Variants in NET1 observed in about 807,000 individuals in gnomAD.
NET1 encodes the protein neuroepithelial cell transforming 1.
In NET1, 42 loss-of-function variants were observed where a neutral mutation model predicts 61.1. The observed-to-expected ratio is 0.69, with a 90% CI of 0.54 to 0.89. The LOEUF (loss-of-function observed/expected upper bound fraction) is 0.89, where lower values mean the gene tolerates loss of function less well. Ranked by LOEUF, NET1 falls within the 40% of genes least tolerant of loss-of-function variation. The pLI is 0.00. For synonymous variants in NET1, 254 were observed against 281.8 expected (o/e 0.90, Z 0.99); for missense variants, 654 against 747.3 (o/e 0.88, Z 1.46).
chr10:5,429,201 T>G lies in NET1; in HGVS notation c.227T>G (p.Val76Gly). The G allele has an allele frequency of 1.2e-6, 2 of 1,610,636 alleles. No individual in the cohort carries two copies. The highest frequency in any genetic ancestry group is 1.7e-6 in the Non-Finnish European group (2 of 1,178,246). ...AAACGCAGAGAGAAAGATGATGATG[T>G]TGTAAGCCTTAGCAGCCTTGATCTG... is the stretch of plus-strand genomic sequence containing the variant. ...KRKRREKDDD[V>G]VSLSSLDLKE... Residue 76 changes from valine (V) to glycine (G), a missense_variant, in exon 3 of 12, where the codon GTT (valine) becomes GGT (glycine). Val to Gly is a moderately radical substitution (Grantham distance 109). Coordinates refer to ENST00000355029, the MANE Select transcript of NET1 (RefSeq NM_001047160.3).
chr10:5,438,240 T>C (rs879839462), intron 3 of NET1, among the ~76,000 whole-genome samples: 18 of 151,900 alleles, frequency 1.2e-4, no homozygotes, highest in Non-Finnish European at 2.2e-4. Flanking sequence ...TGGAAGGAAA[T>C]TCATTAAGAA....
At chr10:5,436,187 TGTGTGTGTGTGTGTG>T (rs1832429923) in intron 3 of NET1, among the ~76,000 whole-genome samples, 1 of 14,948 alleles carries the variant, frequency 6.7e-5, no homozygotes, top group African/African-American at 2.8e-4. Context: ...GTGTGTGTGT[TGTGTGTGTGTGTGTG>T]TGTGTGTGTG....
intron 1 of NET1, among the ~76,000 whole-genome samples, chr10:5,425,411 G>A (rs940687488): frequency 1.3e-5 from 2 of 152,206 alleles, no homozygotes; most frequent in Non-Finnish European, 1.5e-5. Context: ...CGACTATGAA[G>A]CTTAAGGATC....
chr10:5,425,833 A>G (rs1337053987), intron 1 of NET1, among the ~76,000 whole-genome samples: 1 of 152,254 alleles, frequency 6.6e-6, no homozygotes, highest in Non-Finnish European at 1.5e-5. Flanking sequence ...GAAAAAAATA[A>G]TGTGTTCATT....
In NET1 at chr10:5,451,511, T is replaced by TA. The variant is rs201010625; in HGVS notation, c.256-306dup. 0.24 allele frequency among the ~76,000 whole-genome samples: 35,211 copies of TA among 147,540 alleles called. 4,622 individuals carry two copies. Among genetic ancestry groups the TA allele is most frequent in the Middle Eastern group, 0.32 (93 of 294 alleles). On this transcript the variant is annotated intron_variant, in intron 3 of 11. Coordinates refer to ENST00000355029, the MANE Select transcript of NET1 (RefSeq NM_001047160.3). This position sits in a 1 kb window ranked among gnomAD's most constrained non-coding sequence, Gnocchi z 6.1. ...TTTTCATAACAATAAGGCTTTTTTTTAAAAAAAAAAAAAGTTATTCCCTGC... is the reference window on the plus strand; with the variant it reads ...TTTTCATAACAATAAGGCTTTTTTTTAAAAAAAAAAAAAAGTTATTCCCTGC...
At position 5,456,116 on chromosome 10, in the gene NET1, C is replaced by G. The variant is rs1389938583; in HGVS notation, c.1227C>G (p.Ile409Met). ...TTTACATTTTCCTGTTTCAAGACATCTTGGTTCTGACTCGGCCCGTCACAC... is the reference window on the plus strand; with the variant it reads ...TTTACATTTTCCTGTTTCAAGACATGTTGGTTCTGACTCGGCCCGTCACAC... ...HKLYIFLFQD[I>M]LVLTRPVTRN... The change falls in exon 11 of 12, where the codon ATC becomes ATG. Residue 409 changes from isoleucine to methionine, a missense_variant. Ile to Met is a conservative substitution (Grantham distance 10). Coordinates refer to ENST00000355029, the MANE Select transcript of NET1 (RefSeq NM_001047160.3). This position sits in a 1 kb window ranked among gnomAD's most constrained non-coding sequence, Gnocchi z 7.0. The G allele has an allele frequency of 1.9e-6, 3 of 1,613,320 alleles. No homozygotes were observed. Among genetic ancestry groups the G allele is most frequent in the Non-Finnish European group, 2.5e-6 (3 of 1,179,808 alleles).
intron 3 of NET1, among the ~76,000 whole-genome samples, chr10:5,450,047 G>A (rs1832679644): frequency 7.5e-6 from 1 of 133,284 alleles, no homozygotes; most frequent in Non-Finnish European, 1.7e-5. Flanking sequence ...GCCTGTGCTG[G>A]CCCCTGCACA....
At chr10:5,436,182 TGTGTTGTGTG>T (rs1470868196) in intron 3 of NET1, among the ~76,000 whole-genome samples, 3 of 55,300 alleles carry the variant, frequency 5.4e-5, no homozygotes, top group Non-Finnish European at 7.3e-5. Context: ...TGTGTGTGTG[TGTGTTGTGTG>T]TGTGTGTGTG....
At chr10:5,436,299 C>A (rs1832438280) in intron 3 of NET1, among the ~76,000 whole-genome samples, 1 of 120,988 alleles carries the variant, frequency 8.3e-6, no homozygotes, top group Non-Finnish European at 1.6e-5. Flanking sequence ...GCTCTTGTTG[C>A]CCAGGCTGGA....
At chr10:5,436,192 G>GT (rs1247196755) in intron 3 of NET1, among the ~76,000 whole-genome samples, 7 of 14,944 alleles carry the variant, frequency 4.7e-4, no homozygotes, top group South Asian at 4.5e-3. Flanking sequence ...TGTGTTGTGT[G>GT]TGTGTGTGTG....
At chr10:5,432,714 CT>C (rs150553760) in intron 3 of NET1, among the ~76,000 whole-genome samples, 37,340 of 145,846 alleles carry the variant, frequency 0.26, 4,836 homozygotes, top group Non-Finnish European at 0.29. Context: ...CAGATGAAAT[CT>C]TTTTTTTTTT....
In NET1 at chr10:5,454,796, C is replaced by A; in HGVS notation, c.1027-152C>A. On this transcript the variant is annotated intron_variant, in intron 9 of 11. Transcript: ENST00000355029. The surrounding 1 kb of genome is among the most constrained non-coding windows in gnomAD (Gnocchi z 8.1). ...AATTTGGCTAGGACTGTTTCTTGAT[C>A]TATAAAATGAACAGACTGGCAGAAT... 1 of 782,328 alleles carries A rather than the reference C, an allele frequency of 1.3e-6. No homozygotes were observed. The highest frequency in any genetic ancestry group is 2.0e-6 in the Non-Finnish European group (1 of 498,362). The allele number at this position is 782,328 out of a possible 1,614,324, so 48.5% of individuals were successfully genotyped here.
In NET1 at chr10:5,422,212, C is replaced by T. The variant is rs1832185894; in HGVS notation, c.129-4443C>T. ...TTTAGCTGGGCATGGTGGCGTGCCCCTGTAATCCTAGCTACTCGGGAGATT... is the reference window on the plus strand; with the variant it reads ...TTTAGCTGGGCATGGTGGCGTGCCCTTGTAATCCTAGCTACTCGGGAGATT... On this transcript the variant is annotated intron_variant, in intron 1 of 11. Transcript: ENST00000355029. The surrounding 1 kb of genome is among the most constrained non-coding windows in gnomAD (Gnocchi z 4.1). 6.6e-6 allele frequency among the ~76,000 whole-genome samples: 1 copy of T among 152,042 alleles called. No individual in the cohort carries two copies. The highest frequency in any genetic ancestry group is 2.1e-4 in the South Asian group (1 of 4,812).
rs1273310518 is a variant in NET1, at chr10:5,421,326, C to G, written c.129-5329C>G. 6.6e-6 allele frequency among the ~76,000 whole-genome samples: 1 copy of G among 152,182 alleles called. No homozygotes were observed. The highest frequency in any genetic ancestry group is 1.5e-5 in the Non-Finnish European group (1 of 68,030). ...CACCCATATGGCAGAAATATAAATA[C>G]ATACTGATCCTTTTAAGGATTTTAT... On this transcript the variant is annotated intron_variant, in intron 1 of 11. Transcript: ENST00000355029. The surrounding 1 kb of genome is among the most constrained non-coding windows in gnomAD (Gnocchi z 4.2).
At position 5,423,999 on chromosome 10, in the gene NET1, T is replaced by C. The variant is rs1175290612; in HGVS notation, c.129-2656T>C. Among the ~76,000 whole-genome samples the C allele has an allele frequency of 2.0e-5, 3 of 152,186 alleles. No homozygotes were observed. The highest frequency in any genetic ancestry group is 4.4e-5 in the Non-Finnish European group (3 of 68,016). The stretch of plus-strand genomic sequence containing the variant: ...TACTGCTGGAAAGAATTTTATCATA[T>C]GATTGGAAATATTTTTCCAGTTAAC... On this transcript the variant is annotated intron_variant, in intron 1 of 11. Transcript: ENST00000355029. The surrounding 1 kb of genome is among the most constrained non-coding windows in gnomAD (Gnocchi z 4.4).
chr10:5,432,516 A>G (rs1832364278), intron 3 of NET1, among the ~76,000 whole-genome samples: 2 of 152,178 alleles, frequency 1.3e-5, no homozygotes. Flanking sequence ...TTTTTAAATT[A>G]TTACACTCAC....
In NET1 at chr10:5,453,517, C is replaced by T; in HGVS notation, c.725C>T (p.Pro242Leu). The T allele has an allele frequency of 2.5e-6, 4 of 1,614,094 alleles. No homozygotes were observed. The highest frequency in any genetic ancestry group is 3.4e-6 in the Non-Finnish European group (4 of 1,180,010). ...LLTRIGEATK[P>L]DGTVEQIGHI... Reference sequence around the variant, plus strand: ...ACAAGAATAGGAGAAGCAACCAAGCCTGATGGAACAGTGGAGCAGATTGGT... The same window carrying T: ...ACAAGAATAGGAGAAGCAACCAAGCTTGATGGAACAGTGGAGCAGATTGGT... The change falls in exon 8 of 12, where the codon CCT (proline) becomes CTT (leucine). Residue 242 changes from proline (P) to leucine (L), a missense_variant. Physicochemically the swap from Pro to Leu is moderately conservative, Grantham distance 98. Coordinates refer to ENST00000355029, the MANE Select transcript of NET1 (RefSeq NM_001047160.3). This position sits in a 1 kb window ranked among gnomAD's most constrained non-coding sequence, Gnocchi z 4.9.
At chr10:5,418,610 A>C (rs1238044823) in intron 1 of NET1, among the ~76,000 whole-genome samples, 1 of 152,034 alleles carries the variant, frequency 6.6e-6, no homozygotes, top group African/African-American at 2.4e-5. Flanking sequence ...TAGCTTCATT[A>C]ATTTTCTTTG....
rs1326177438 is a variant in NET1 at position 5,454,021 on chromosome 10, G to A, written c.769-244G>A. Among the ~76,000 whole-genome samples, 3 of 152,232 alleles carry A rather than the reference G, an allele frequency of 2.0e-5. No individual in the cohort carries two copies. Among genetic ancestry groups the A allele is most frequent in the African/African-American group, 7.2e-5 (3 of 41,460 alleles). On this transcript the variant is annotated intron_variant, in intron 8 of 11. Coordinates refer to ENST00000355029, the MANE Select transcript of NET1 (RefSeq NM_001047160.3). This position sits in a 1 kb window ranked among gnomAD's most constrained non-coding sequence, Gnocchi z 8.1. ...CTGGGAGCACAGACTGCCAGTGTCT[G>A]AGGTTGGAGGGGAGTAGAAGTCATG... is the stretch of plus-strand genomic sequence containing the variant.
Sources: allele counts gnomAD v4.1 joint callset (sites outside exome capture counted in the v4.1 genomes callset), GRCh38; gene constraint gnomAD v4.1.1; non-coding constraint Gnocchi (gnomAD v3.1); transcripts MANE v1.5; gene names NCBI Gene and HGNC (gene_info 2026-07-23, HGNC 2026-07-21).